Variants in MFN2 observed in about 807,000 individuals in gnomAD.
The protein encoded by MFN2 is mitofusin-2.
In MFN2, 43 loss-of-function variants were observed where a neutral mutation model predicts 87.5. The ratio of observed to expected loss-of-function variants is 0.49; its 90% CI spans 0.38 to 0.63. The LOEUF is 0.63. Among genes scored for constraint, MFN2 ranks in the 30% least tolerant of loss-of-function variants. The probability of loss-of-function intolerance (pLI) is 0.00; values close to 1 mark genes in which losing one functional copy is unlikely to be tolerated. For synonymous variants in MFN2, 337 were observed against 359.9 expected (o/e 0.94, Z 0.72); for missense variants, 743 against 972.8 (o/e 0.76, Z 3.14).
At position 12,004,100 on chromosome 1, in the gene MFN2, G is replaced by A. The variant is rs145994616; in HGVS notation, c.1269G>A (p.Thr423=). 6.9e-5 allele frequency: 112 copies of A among 1,614,012 alleles called. 1 individual carries two copies. The highest frequency in any genetic ancestry group is 3.3e-4 in the Middle Eastern group (2 of 6,034). Residue 423 remains threonine (T), a synonymous_variant, in exon 12 of 19, where the codon ACG becomes ACA. Coordinates refer to ENST00000235329, the MANE Select transcript of MFN2 (RefSeq NM_014874.4). This position sits in a 1 kb window ranked among gnomAD's most constrained non-coding sequence, Gnocchi z 4.2. ...QDYKLRIKQI[T]EEVERQVSTA... is the part of the protein sequence containing the mutation. ...ATAAGCTGCGAATTAAGCAGATTAC[G>A]GAGGAAGTGGAGAGGCAGGTGAGAA...
intron 2 of MFN2, among the ~76,000 whole-genome samples, chr1:11,986,209 T>TA (rs1638399118): frequency 1.3e-5 from 2 of 152,258 alleles, no homozygotes; most frequent in African/African-American, 4.8e-5. Context: ...TTCATGTACC[T>TA]CTTCCGGGTG....
intron 17 of MFN2, among the ~76,000 whole-genome samples, chr1:12,008,393 C>T (rs1164595747): frequency 6.9e-6 from 1 of 145,872 alleles, no homozygotes. Flanking sequence ...ACCTCCCTCC[C>T]GGACGGGGTG....
intron 16 of MFN2, 148 bp downstream of exon 16, chr1:12,006,841 A>AAGCG: frequency 7.5e-7 from 1 of 1,340,240 alleles, no homozygotes; most frequent in Non-Finnish European, 1.0e-6. Context: ...GGGAGCGCTT[A>AAGCG]CTCCCTCACC....
intron 6 of MFN2, among the ~76,000 whole-genome samples, chr1:11,998,027 G>GCA (rs1491468831): frequency 6.6e-6 from 1 of 150,952 alleles, no homozygotes; most frequent in East Asian, 2.0e-4. Context: ...GGGATTACAG[G>GCA]TGCCCGCCAC....
intron 3 of MFN2, among the ~76,000 whole-genome samples, chr1:11,991,950 A>G (rs796489781): frequency 4.2e-5 from 6 of 142,754 alleles, no homozygotes; most frequent in East Asian, 2.0e-4. Flanking sequence ...AAAAAAAAAA[A>G]AAGAAGTGAC....
chr1:12,011,843 C>T lies in MFN2; in HGVS notation c.*278C>T. The T allele has an allele frequency of 1.9e-6, 1 of 536,824 alleles. No homozygotes were observed. Among genetic ancestry groups the T allele is most frequent in the South Asian group, 2.2e-5 (1 of 46,040 alleles). The allele number at this position is 536,824 out of a possible 1,614,324, so 33.3% of individuals were successfully genotyped here. ...GGAGTTAAGTTGAGGCTTTTTCCAG[C>T]TTTCTCTGGTTCATTTGATTGCTTG... On this transcript the variant is annotated 3_prime_UTR_variant, in exon 19 of 19. Coordinates refer to ENST00000235329, the MANE Select transcript of MFN2 (RefSeq NM_014874.4).
chr1:12,007,476 C>T (rs1386046920), intron 17 of MFN2, among the ~76,000 whole-genome samples: 3 of 152,190 alleles, frequency 2.0e-5, no homozygotes, highest in Non-Finnish European at 4.4e-5. Context: ...CTCTGGGCCC[C>T]TTGGTGAGGA....
At chr1:12,005,416 C>T (rs1182081120) in intron 14 of MFN2, among the ~76,000 whole-genome samples, 1 of 152,222 alleles carries the variant, frequency 6.6e-6, no homozygotes, top group East Asian at 1.9e-4. Context: ...GGTTGGGGAG[C>T]CCATCTTGTT....
chr1:11,992,821 T>G, intron 4 of MFN2, 131 bp downstream of exon 4: 1 of 1,172,184 alleles, frequency 8.5e-7, no homozygotes, highest in African/African-American at 1.6e-5. Context: ...AATTTATATT[T>G]TATTTATTTA....
intron 3 of MFN2, among the ~76,000 whole-genome samples, chr1:11,991,011 A>C (rs1191469222): frequency 6.6e-6 from 1 of 152,170 alleles, no homozygotes; most frequent in Non-Finnish European, 1.5e-5. Flanking sequence ...TCAGCCTCAT[A>C]GTTCCCAGGA....
At position 12,009,656 on chromosome 1, in the gene MFN2, C is replaced by T; in HGVS notation, c.2134C>T (p.Gln712Ter). The change falls in exon 18 of 19, where the codon CAG becomes TAG. Residue 712 changes from glutamine (Q) to a stop codon, truncating the protein, a stop_gained. Transcript: ENST00000235329. LOFTEE classifies it high-confidence loss of function. ...TGACGTCACCCGGGAGAACCTGGAG[C>T]AGGAAATTGCCGCCATGAACAAGAA... ...QVDVTRENLE[Q>*]EIAAMNKKIE... is the part of the protein sequence containing the mutation. 6.2e-7 allele frequency: 1 copy of T among 1,614,222 alleles called. No individual in the cohort carries two copies. The highest frequency in any genetic ancestry group is 1.7e-5 in the Admixed American group (1 of 60,032).
Position 12,011,736 on chromosome 1 carries a change from C to T in MFN2, c.*171C>T, listed in dbSNP as rs1639708827. On this transcript the variant is annotated 3_prime_UTR_variant, in exon 19 of 19. Coordinates refer to ENST00000235329, the MANE Select transcript of MFN2 (RefSeq NM_014874.4). ...CTCCAGCACTACTTATTTTCCCCCACCTTTGCCTGCTGTTGCTGGAAGAGC... is the reference window on the plus strand; with the variant it reads ...CTCCAGCACTACTTATTTTCCCCCATCTTTGCCTGCTGTTGCTGGAAGAGC... 1.5e-5 allele frequency: 10 copies of T among 679,426 alleles called. No individual in the cohort carries two copies. In the South Asian group the frequency reaches 1.6e-4, roughly 11 times the overall value. The allele number at this position is 679,426 out of a possible 1,614,324, so 42.1% of individuals were successfully genotyped here. A position where few individuals can be genotyped will look rare whatever the true frequency, so the allele number is the denominator to read the frequency against.
At chr1:11,980,739 C>A (rs571120607) in intron 1 of MFN2, among the ~76,000 whole-genome samples, 2 of 152,358 alleles carry the variant, frequency 1.3e-5, no homozygotes, top group African/African-American at 4.8e-5. Context: ...CCTTCACGGC[C>A]ATGTTCTACC....
At chr1:12,000,935 A>G (rs754209973) in intron 8 of MFN2, among the ~76,000 whole-genome samples, 3 of 152,190 alleles carry the variant, frequency 2.0e-5, no homozygotes, top group African/African-American at 7.2e-5. Context: ...TGGTCTGGGA[A>G]ACTTGGTGGT....
At position 11,992,606 on chromosome 1, in the gene MFN2, T is replaced by C. The variant is rs28940293; in HGVS notation, c.227T>C (p.Leu76Pro). ...CCCGTTACCACAGAAGAACAGGTTC[T>C]GGACGTCAAAGGTTACCTATCCAAA... ...LDPVTTEEQV[L>P]DVKGYLSKVR... Residue 76 changes from leucine (L) to proline (P), a missense_variant, in exon 4 of 19, where the codon CTG (leucine) becomes CCG (proline). By Grantham distance (98) the Leu-to-Pro change is moderately conservative. This residue lies in a region of MFN2 where 141 missense variants were observed against 278.9 expected (regional missense o/e 0.51). Transcript: ENST00000235329. 2 of 1,614,100 alleles carry C rather than the reference T, an allele frequency of 1.2e-6. No homozygotes were observed. Among genetic ancestry groups the C allele is most frequent in the Non-Finnish European group, 1.7e-6 (2 of 1,180,042 alleles).
intron 6 of MFN2, 100 bp from the exon 7 acceptor site, chr1:11,998,670 T>C: frequency 9.2e-7 from 1 of 1,086,608 alleles, no homozygotes; most frequent in African/African-American, 1.5e-5. Flanking sequence ...GGCTTTCTCC[T>C]CCATGACCTG....
In MFN2 at chr1:11,997,328, A is replaced by G; in HGVS notation, c.506A>G (p.Gln169Arg). 1 of 1,614,190 alleles carries G rather than the reference A, an allele frequency of 6.2e-7. No individual in the cohort carries two copies. The change falls in exon 6 of 19, where the codon CAG becomes CGG. Residue 169 changes from glutamine to arginine, a missense_variant. Around this residue, in one of 3 missense-constraint regions of MFN2, gnomAD observed 141 missense variants for 278.9 expected, o/e 0.51. Transcript: ENST00000235329. ...TVNQLAHALH[Q>R]DKQLHAGSLV... is the part of the protein sequence containing the mutation. The stretch of plus-strand genomic sequence containing the variant: ...AACCAGCTGGCCCATGCCCTCCACC[A>G]GGACAAGCAGCTCCATGCCGGCAGC...
chr1:11,995,386 A>G (rs1638866557), intron 4 of MFN2, among the ~76,000 whole-genome samples: 1 of 152,148 alleles, frequency 6.6e-6, no homozygotes, highest in Non-Finnish European at 1.5e-5. Context: ...TAATCCCAGC[A>G]CTTTGGGAGG....
At chr1:11,980,824 C>G (rs987112428) in intron 1 of MFN2, among the ~76,000 whole-genome samples, 2 of 152,248 alleles carry the variant, frequency 1.3e-5, no homozygotes, top group Non-Finnish European at 2.9e-5. Context: ...TGTCCACGTT[C>G]ACCGCGGGAG....
Sources: allele counts gnomAD v4.1 joint callset (sites outside exome capture counted in the v4.1 genomes callset), GRCh38; gene constraint gnomAD v4.1.1; regional missense constraint gnomAD v4.1.1; non-coding constraint Gnocchi (gnomAD v3.1); transcripts MANE v1.5; gene names NCBI Gene and HGNC (gene_info 2026-07-23, HGNC 2026-07-21).